FAM117B: variants seen among roughly 807,000 people sequenced by gnomAD.
FAM117B encodes the protein family with sequence similarity 117 member B.
Under a neutral mutation model 52.8 loss-of-function variants are expected in FAM117B, and 22 were observed. The ratio of observed to expected loss-of-function variants is 0.42; its 90% CI spans 0.30 to 0.59. The LOEUF is 0.59. FAM117B is among the 20% of genes least tolerant of loss of function. The pLI is 0.22. For synonymous variants in FAM117B, 309 were observed against 324.1 expected (o/e 0.95, Z 0.50); for missense variants, 678 against 802.6 (o/e 0.84, Z 1.88).
chr2:202,757,426 C>A lies in FAM117B; in HGVS notation c.1318C>A (p.Pro440Thr). ...PCSADDLLVD[P>T]RDKENGNNSP... ...CTCAGCGGATGACCTGCTTGTTGAT[C>A]CCAGAGATAAAGGTACAGTGCTGGA... is the stretch of plus-strand genomic sequence containing the variant. The change falls in exon 6 of 8, where the codon CCC (proline) becomes ACC (threonine). Residue 440 changes from proline to threonine, a missense_variant. Pro to Thr is a conservative substitution (Grantham distance 38). Coordinates refer to ENST00000392238, the MANE Select transcript of FAM117B (RefSeq NM_173511.4). 6.2e-7 allele frequency: 1 copy of A among 1,613,916 alleles called. No individual in the cohort carries two copies. Among genetic ancestry groups the A allele is most frequent in the Non-Finnish European group, 8.5e-7 (1 of 1,179,922 alleles).
chr2:202,759,072 TTTTA>T (rs760445449), intron 6 of FAM117B, among the ~76,000 whole-genome samples, 157 bp from the exon 7 acceptor site: 1 of 152,216 alleles, frequency 6.6e-6, no homozygotes, highest in Non-Finnish European at 1.5e-5. Context: ...GAAATAAATA[TTTTA>T]TTTGTGTGTG....
intron 1 of FAM117B, among the ~76,000 whole-genome samples, chr2:202,685,921 C>T (rs975171796): frequency 6.6e-6 from 1 of 151,946 alleles, no homozygotes; most frequent in Non-Finnish European, 1.5e-5. Context: ...CAGAAGTAGT[C>T]GATAAATTGT....
chr2:202,717,613 T>G (rs1691079544), intron 2 of FAM117B, among the ~76,000 whole-genome samples: 1 of 152,206 alleles, frequency 6.6e-6, no homozygotes, highest in South Asian at 2.1e-4. Flanking sequence ...ATTATCTGGA[T>G]TACAAGGCAG....
chr2:202,692,950 A>G (rs1179268931), intron 1 of FAM117B, among the ~76,000 whole-genome samples: 1 of 152,218 alleles, frequency 6.6e-6, no homozygotes, highest in Non-Finnish European at 1.5e-5. Flanking sequence ...TTTATGGATT[A>G]CAAAATATTT....
In FAM117B at chr2:202,757,129, A is replaced by G. The variant is rs1387629442; in HGVS notation, c.1105-84A>G. The G allele has an allele frequency of 6.8e-6, 9 of 1,321,040 alleles. No homozygotes were observed. In the African/African-American group the frequency reaches 8.8e-5, roughly 13 times the overall value. 81.8% of individuals were successfully genotyped at this position (1,321,040 alleles called of 1,614,324 possible). On this transcript the variant is annotated intron_variant, in intron 5 of 7. Coordinates refer to ENST00000392238, the MANE Select transcript of FAM117B (RefSeq NM_173511.4). Reference sequence around the variant, plus strand: ...TTCTGATTTGTGAGTCTCTGGCACTATATGGGAAGGTTGACATTGGGTTCA... The same window carrying G: ...TTCTGATTTGTGAGTCTCTGGCACTGTATGGGAAGGTTGACATTGGGTTCA...
intron 4 of FAM117B, among the ~76,000 whole-genome samples, chr2:202,752,345 C>A (rs1297022032): frequency 6.6e-6 from 1 of 151,960 alleles, no homozygotes; most frequent in Non-Finnish European, 1.5e-5. Flanking sequence ...CGTGGAGCTT[C>A]CCCTTGGCCT....
intron 2 of FAM117B, among the ~76,000 whole-genome samples, chr2:202,723,326 C>T (rs372891538): frequency 6.6e-5 from 10 of 152,250 alleles, no homozygotes; most frequent in African/African-American, 2.4e-4. Flanking sequence ...TCAAACTGCA[C>T]AGTATTTTTT....
At position 202,762,716 on chromosome 2, in the gene FAM117B, A is replaced by G. The variant is rs189132437; in HGVS notation, c.1452-2730A>G. On this transcript the variant is annotated intron_variant, in intron 7 of 7. Coordinates refer to ENST00000392238, the MANE Select transcript of FAM117B (RefSeq NM_173511.4). Reference sequence around the variant, plus strand: ...GTGGTGGGTCATGTTTTTCTTGGGTAATGCACTCTTAGAAGCCACAGAGGT... The same window carrying G: ...GTGGTGGGTCATGTTTTTCTTGGGTGATGCACTCTTAGAAGCCACAGAGGT... 6.8e-3 allele frequency among the ~76,000 whole-genome samples: 1,032 copies of G among 151,874 alleles called. 24 individuals carry two copies. Among genetic ancestry groups the G allele is most frequent in the Admixed American group, 0.039 (599 of 15,232 alleles).
intron 7 of FAM117B, among the ~76,000 whole-genome samples, chr2:202,761,569 C>G (rs1691890202): frequency 6.6e-6 from 1 of 152,070 alleles, no homozygotes; most frequent in Admixed American, 6.5e-5. Context: ...TCTTGTCACC[C>G]AGGCTGGAGT....
At chr2:202,709,632 G>C (rs968755518) in intron 2 of FAM117B, among the ~76,000 whole-genome samples, 4 of 152,122 alleles carry the variant, frequency 2.6e-5, no homozygotes, top group Admixed American at 6.5e-5. Context: ...TTTTTACTCT[G>C]TTGATTGTTT....
intron 1 of FAM117B, among the ~76,000 whole-genome samples, chr2:202,646,490 A>C (rs1233287768): frequency 6.6e-6 from 1 of 152,042 alleles, no homozygotes; most frequent in African/African-American, 2.4e-5. Context: ...TATCATGCCT[A>C]AGGATATGTG....
At chr2:202,654,565 A>G (rs747286526) in intron 1 of FAM117B, among the ~76,000 whole-genome samples, 2 of 151,952 alleles carry the variant, frequency 1.3e-5, no homozygotes, top group Non-Finnish European at 2.9e-5. Context: ...TCATATACAC[A>G]TTGTCTGATA....
chr2:202,640,907 C>G (rs77971401), intron 1 of FAM117B, among the ~76,000 whole-genome samples: 13,696 of 152,106 alleles, frequency 0.09, 2,071 homozygotes, highest in African/African-American at 0.31. Flanking sequence ...CACCCACACC[C>G]GGCTAAAGGG....
At chr2:202,750,720 C>T (rs1691708632) in intron 4 of FAM117B, among the ~76,000 whole-genome samples, 1 of 152,178 alleles carries the variant, frequency 6.6e-6, no homozygotes, top group African/African-American at 2.4e-5. Flanking sequence ...TTTCTCTCCT[C>T]AGGTTAATTG....
chr2:202,755,417 T>G (rs1691786304), intron 4 of FAM117B, 121 bp from the exon 5 acceptor site: 3 of 1,248,394 alleles, frequency 2.4e-6, no homozygotes, highest in African/African-American at 3.0e-5. Context: ...CACTCACACT[T>G]TTTGTGAGGC....
At position 202,707,877 on chromosome 2, in the gene FAM117B, C is replaced by A. The variant is rs184435488; in HGVS notation, c.753+11845C>A. Among the ~76,000 whole-genome samples, 85 of 151,928 alleles carry A rather than the reference C, an allele frequency of 5.6e-4. 1 individual carries two copies. Among genetic ancestry groups the A allele is most frequent in the Non-Finnish European group, 5.9e-5 (4 of 67,976 alleles). ...TCCGCCTCCCAGGTTCAAGCAATCTCCTGCCTCAGCCTCCCGAGTAGCTGA... is the reference window on the plus strand; with the variant it reads ...TCCGCCTCCCAGGTTCAAGCAATCTACTGCCTCAGCCTCCCGAGTAGCTGA... On this transcript the variant is annotated intron_variant, in intron 2 of 7. Transcript: ENST00000392238.
chr2:202,648,336 C>T (rs981745549), intron 1 of FAM117B, among the ~76,000 whole-genome samples: 4 of 151,896 alleles, frequency 2.6e-5, no homozygotes, highest in Admixed American at 6.6e-5. Flanking sequence ...ATGGTGAAAC[C>T]CCGTCTCTAC....
At position 202,706,843 on chromosome 2, in the gene FAM117B, T is replaced by G. The variant is rs541188507; in HGVS notation, c.753+10811T>G. Among the ~76,000 whole-genome samples the G allele has an allele frequency of 1.6e-4, 24 of 152,280 alleles. No individual in the cohort carries two copies. In the South Asian group the frequency reaches 2.1e-3, roughly 13 times the overall value. ...TAAAAGAAATGTTAAAATCTTTTTT[T>G]GGGGGCCTAAATTCAGTGACTTCAG... is the stretch of plus-strand genomic sequence containing the variant. On this transcript the variant is annotated intron_variant, in intron 2 of 7. Coordinates refer to ENST00000392238, the MANE Select transcript of FAM117B (RefSeq NM_173511.4).
chr2:202,719,897 G>A (rs1054627942), intron 2 of FAM117B, among the ~76,000 whole-genome samples: 2 of 151,972 alleles, frequency 1.3e-5, no homozygotes, highest in Non-Finnish European at 2.9e-5. Flanking sequence ...GTCAACTTGG[G>A]TTTATATATT....
Sources: allele counts gnomAD v4.1 joint callset (sites outside exome capture counted in the v4.1 genomes callset), GRCh38; gene constraint gnomAD v4.1.1; transcripts MANE v1.5; gene names NCBI Gene and HGNC (gene_info 2026-07-23, HGNC 2026-07-21).